The following CAPRIN2 variants were observed in gnomAD, a reference collection of about 807,000 sequenced individuals.
CAPRIN2 encodes caprin family member 2.
Under a neutral mutation model 130.4 loss-of-function variants are expected in CAPRIN2, and 66 were observed. The ratio of observed to expected loss-of-function variants is 0.51; its 90% CI spans 0.42 to 0.62. The LOEUF (loss-of-function observed/expected upper bound fraction) is 0.62. Ranked by LOEUF, CAPRIN2 falls within the 20% of genes least tolerant of loss-of-function variation. CAPRIN2 has a pLI of 0.00. For missense variants in CAPRIN2, 1,185 were observed against 1,246.6 expected, an observed-to-expected ratio of 0.95 and a Z score of 0.74; for synonymous variants, 471 against 444.1, an observed-to-expected ratio of 1.06 and a Z score of -0.76.
At chr12:30,753,947 C>G in exon 1 of CAPRIN2, 1 of 589,580 alleles carries the variant, frequency 1.7e-6, no homozygotes, top group South Asian at 2.3e-5. Flanking sequence ...CCCATGGCCA[C>G]GTGATGACAC....
chr12:30,719,484 T>C (rs946379352), intron 12 of CAPRIN2: 7 of 404,886 alleles, frequency 1.7e-5, no homozygotes, highest in Non-Finnish European at 3.1e-5. Context: ...CTGAACTTTT[T>C]ATACGCACCT....
chr12:30,721,424 A>T (rs2059376456), intron 11 of CAPRIN2, among the ~76,000 whole-genome samples: 1 of 152,250 alleles, frequency 6.6e-6, no homozygotes, highest in Admixed American at 6.5e-5. Context: ...AATAGGAAGA[A>T]TAAGCTCTAC....
chr12:30,752,572 TAAAAAA>T (rs201247925), intron 1 of CAPRIN2, among the ~76,000 whole-genome samples: 4 of 129,320 alleles, frequency 3.1e-5, no homozygotes, highest in African/African-American at 8.8e-5. Flanking sequence ...TTTCTTAGGT[TAAAAAA>T]AAAAAAAAAA....
chr12:30,751,139 A>G lies in CAPRIN2; in HGVS notation c.421-6T>C, dbSNP rs761338347. ...TTATAATCCTCCAGTTTGAGCTACA[A>G]AAGAGAAACTTGTATCTACCATAGT... On this transcript the variant is annotated splice_polypyrimidine_tract_variant and splice_region_variant and intron_variant, in intron 1 of 16. Transcript: ENST00000298892. 2.5e-6 allele frequency: 4 copies of G among 1,612,088 alleles called. No individual in the cohort carries two copies. Among genetic ancestry groups the G allele is most frequent in the South Asian group, 2.2e-5 (2 of 91,030 alleles).
chr12:30,718,021 T>C (rs1279008866), intron 12 of CAPRIN2, among the ~76,000 whole-genome samples: 1 of 152,122 alleles, frequency 6.6e-6, no homozygotes, highest in Non-Finnish European at 1.5e-5. Flanking sequence ...TAAGAACCAA[T>C]GTGTACCGGG....
intron 8 of CAPRIN2, among the ~76,000 whole-genome samples, chr12:30,728,216 C>T (rs538799986): frequency 2.1e-4 from 32 of 152,256 alleles, no homozygotes; most frequent in African/African-American, 7.0e-4. Flanking sequence ...AATCTACCCA[C>T]TAAAGAGGGT....
At chr12:30,753,964 A>T (rs2075191561) in exon 1 of CAPRIN2, 1 of 564,150 alleles carries the variant, frequency 1.8e-6, no homozygotes. Flanking sequence ...ACACCAAAAG[A>T]ATAAGCTTTC....
At chr12:30,726,021 T>C in exon 9 of CAPRIN2, 2 of 1,603,536 alleles carry the variant, frequency 1.2e-6, no homozygotes, top group Non-Finnish European at 1.7e-6. Context: ...CAGTTTTTCT[T>C]TCCTCAATAC....
At chr12:30,746,321 G>C (rs994520793) in intron 2 of CAPRIN2, among the ~76,000 whole-genome samples, 1 of 152,174 alleles carries the variant, frequency 6.6e-6, no homozygotes, top group Non-Finnish European at 1.5e-5. Context: ...GAGCCCAAGA[G>C]TTCAAGGCTA....
At chr12:30,709,717 A>T in exon 17 of CAPRIN2, 1 of 588,258 alleles carries the variant, frequency 1.7e-6, no homozygotes, top group East Asian at 2.8e-5. Context: ...AAAGTGCCAG[A>T]TTAGTGCTAA....
At chr12:30,731,559 T>C (rs1565630942) in intron 5 of CAPRIN2, 49 bp from the exon 7 acceptor site, 1 of 1,458,520 alleles carries the variant, frequency 6.9e-7, no homozygotes, top group Non-Finnish European at 9.5e-7. Context: ...TAATTGAAAA[T>C]TACTGGGAAT....
intron 2 of CAPRIN2, among the ~76,000 whole-genome samples, chr12:30,742,252 G>A (rs1031944592): frequency 7.9e-5 from 12 of 151,936 alleles, no homozygotes; most frequent in African/African-American, 2.7e-4. Flanking sequence ...CAATAGTGTT[G>A]GAAAAAACAG....
At chr12:30,728,764 T>G in exon 8 of CAPRIN2, 1 of 1,614,114 alleles carries the variant, frequency 6.2e-7, no homozygotes, top group Non-Finnish European at 8.5e-7. Flanking sequence ...AAAGAGTGTT[T>G]TTGACTCTCA....
At chr12:30,744,516 A>G (rs562080148) in intron 2 of CAPRIN2, among the ~76,000 whole-genome samples, 32 of 152,176 alleles carry the variant, frequency 2.1e-4, no homozygotes, top group Non-Finnish European at 4.1e-4. Flanking sequence ...GCCTTTACGC[A>G]TGCAAGCATC....
chr12:30,742,622 A>G (rs2068025175), intron 2 of CAPRIN2, among the ~76,000 whole-genome samples: 3 of 152,054 alleles, frequency 2.0e-5, no homozygotes, highest in Admixed American at 1.3e-4. Context: ...AGCAAACTGC[A>G]GAATATATAG....
At chr12:30,740,345 GC>G (rs1330031798) in intron 3 of CAPRIN2, among the ~76,000 whole-genome samples, 89 of 152,194 alleles carry the variant, frequency 5.8e-4, no homozygotes, top group African/African-American at 2.1e-3. Flanking sequence ...TATGAGGCAT[GC>G]TCTCCTCTCC....
At chr12:30,737,336 A>G (rs1395996955) in intron 3 of CAPRIN2, among the ~76,000 whole-genome samples, 1 of 152,074 alleles carries the variant, frequency 6.6e-6, no homozygotes, top group East Asian at 1.9e-4. Context: ...GACTATATCT[A>G]CTGTTCACCA....
chr12:30,753,441 A>AC lies in CAPRIN2; in HGVS notation c.322_323insG (p.Leu108ArgfsTer12). 6.2e-7 allele frequency: 1 copy of AC among 1,614,182 alleles called. No individual in the cohort carries two copies. The highest frequency in any genetic ancestry group is 8.5e-7 in the Non-Finnish European group (1 of 1,180,034). On this transcript the variant is annotated frameshift_variant, in exon 1 of 17. Transcript: ENST00000298892. LOFTEE classifies it high-confidence loss of function. ...TTGGGAAGGAGATGCAGCAGAACTC[A>AC]GAGTAGACTGCAGGGGGCTCAAGGC...
intron 2 of CAPRIN2, among the ~76,000 whole-genome samples, chr12:30,745,946 C>A (rs1420776851): frequency 6.6e-6 from 1 of 152,140 alleles, no homozygotes; most frequent in African/African-American, 2.4e-5. Flanking sequence ...AGGTGATTTT[C>A]AATGAAGTTT....
Sources: gnomAD v4.1 joint callset for allele counts (sites outside exome capture counted in the v4.1 genomes callset) on GRCh38, gnomAD v4.1.1 for gene constraint, MANE v1.5 for transcripts, NCBI Gene and HGNC (gene_info 2026-07-23, HGNC 2026-07-21) for gene names.